The following RFTN1 variants were observed in gnomAD, a reference collection of about 807,000 sequenced individuals.
RFTN1 encodes raftlin.
A neutral mutation model predicts 46.5 loss-of-function variants in RFTN1; 26 were observed. That is an observed-to-expected ratio of 0.56 (90% CI 0.41 to 0.78). RFTN1 has a LOEUF of 0.78. RFTN1 is among the 30% of genes least tolerant of loss of function. RFTN1 has a pLI of 0.00. For missense variants in RFTN1, 693 were observed against 718.7 expected, an observed-to-expected ratio of 0.96 and a Z score of 0.41; for synonymous variants, 261 against 284.2, an observed-to-expected ratio of 0.92 and a Z score of 0.82.
At position 16,425,684 on chromosome 3, in the gene RFTN1, C is replaced by T. The variant is rs1162936570; in HGVS notation, c.332+8167G>A. 1.3e-5 allele frequency among the ~76,000 whole-genome samples: 2 copies of T among 152,014 alleles called. No individual in the cohort carries two copies. The highest frequency in any genetic ancestry group is 2.9e-5 in the Non-Finnish European group (2 of 68,018). ...GTGGATTGGAAAAAATTCTTTCCCC[C>T]AAGAGAAGGTGGCTTTACGCTGGCA... On this transcript the variant is annotated intron_variant, in intron 3 of 9. Transcript: ENST00000334133. The surrounding 1 kb of genome is among the most constrained non-coding windows in gnomAD (Gnocchi z 4.3).
chr3:16,409,967 A>G (rs534590966), intron 3 of RFTN1, among the ~76,000 whole-genome samples: 22 of 150,972 alleles, frequency 1.5e-4, no homozygotes, highest in African/African-American at 4.6e-4. Context: ...GATTACAGAC[A>G]TGAGCCACTG....
At chr3:16,501,571 G>A (rs1226710169) in intron 1 of RFTN1, among the ~76,000 whole-genome samples, 1 of 152,216 alleles carries the variant, frequency 6.6e-6, no homozygotes, top group Admixed American at 6.5e-5. Context: ...AACAGCTCGT[G>A]ACAAGCAACC....
chr3:16,357,133 AAAACAAACAAAC>A (rs57233150), intron 7 of RFTN1, among the ~76,000 whole-genome samples: 1 of 139,480 alleles, frequency 7.2e-6, no homozygotes, highest in Non-Finnish European at 1.5e-5. Context: ...AAAAAACAAA[AAAACAAACAAAC>A]AAACAAACAA....
At chr3:16,364,398 TC>T (rs140966969) in intron 6 of RFTN1, among the ~76,000 whole-genome samples, 198 of 152,344 alleles carry the variant, frequency 1.3e-3, no homozygotes, top group African/African-American at 4.4e-3. Context: ...GTGATTTGTT[TC>T]ATCCTAAAAC....
rs1215077461 is a variant in RFTN1 at position 16,382,789 on chromosome 3, G to C, written c.442-4687C>G. ...ATTACTTCCTCCTTCTCCATAAAGT[G>C]ACCATCCAAGCTCACTTTATTTCAA... On this transcript the variant is annotated intron_variant, in intron 4 of 9. Coordinates refer to ENST00000334133, the MANE Select transcript of RFTN1 (RefSeq NM_015150.2). This position sits in a 1 kb window ranked among gnomAD's most constrained non-coding sequence, Gnocchi z 4.7. Among the ~76,000 whole-genome samples, 1 of 152,066 alleles carries C rather than the reference G, an allele frequency of 6.6e-6. No individual in the cohort carries two copies. The highest frequency in any genetic ancestry group is 2.4e-5 in the African/African-American group (1 of 41,384).
At chr3:16,331,899 G>A (rs2070353272) in intron 7 of RFTN1, among the ~76,000 whole-genome samples, 1 of 152,188 alleles carries the variant, frequency 6.6e-6, no homozygotes, top group South Asian at 2.1e-4. Context: ...ACAGACGTCT[G>A]GGCTGAAATT....
chr3:16,357,836 C>G (rs2072551102), intron 7 of RFTN1, 96 bp downstream of exon 7: 1 of 768,940 alleles, frequency 1.3e-6, no homozygotes, highest in Non-Finnish European at 2.2e-6. Context: ...CAGAAGAAAG[C>G]CACAGCTGAG....
intron 2 of RFTN1, among the ~76,000 whole-genome samples, chr3:16,470,397 C>T (rs2076174222): frequency 6.6e-6 from 1 of 152,184 alleles, no homozygotes; most frequent in Non-Finnish European, 1.5e-5. Flanking sequence ...TGGCTTTTAG[C>T]CCAAGGGCAG....
rs746756215 is a variant in RFTN1, at chr3:16,481,821, A to G, written c.145+11904T>C. ...AGGAGCGATTTTCTAGGAAAGAAAAATGTTTCCCTACCCTACCGCATATAC... is the reference window on the plus strand; with the variant it reads ...AGGAGCGATTTTCTAGGAAAGAAAAGTGTTTCCCTACCCTACCGCATATAC... On this transcript the variant is annotated intron_variant, in intron 2 of 9. Transcript: ENST00000334133. The surrounding 1 kb of genome is among the most constrained non-coding windows in gnomAD (Gnocchi z 5.1). Among the ~76,000 whole-genome samples, 13 of 152,090 alleles carry G rather than the reference A, an allele frequency of 8.5e-5. No homozygotes were observed. The highest frequency in any genetic ancestry group is 1.6e-4 in the Non-Finnish European group (11 of 68,010).
chr3:16,357,690 C>T (rs996000952), intron 7 of RFTN1, among the ~76,000 whole-genome samples: 4 of 152,126 alleles, frequency 2.6e-5, no homozygotes, highest in African/African-American at 9.7e-5. Flanking sequence ...CTCCTTCCAC[C>T]AAATGGCCAG....
Position 16,512,425 on chromosome 3 carries a change from TAAA to T in RFTN1, c.-9+1014_-9+1016del, listed in dbSNP as rs149554467. ...CAGAGATTGAGCCAGACTTTTTTTT[TAAA>T]AAAGTACTTCTTGTTTGTTTGTTTT... On this transcript the variant is annotated intron_variant, in intron 1 of 9. Coordinates refer to ENST00000334133, the MANE Select transcript of RFTN1 (RefSeq NM_015150.2). This position sits in a 1 kb window ranked among gnomAD's most constrained non-coding sequence, Gnocchi z 4.3. Among the ~76,000 whole-genome samples the T allele has an allele frequency of 0.55, 82,790 of 150,372 alleles. 24,121 individuals carry two copies. The highest frequency in any genetic ancestry group is 0.74 in the African/African-American group (30,067 of 40,666).
chr3:16,323,555 AC>A, intron 8 of RFTN1, 98 bp from the exon 9 acceptor site: 1 of 815,600 alleles, frequency 1.2e-6, no homozygotes, highest in Non-Finnish European at 2.0e-6. Context: ...AAAGCAGACC[AC>A]CCACAGGATT....
At chr3:16,340,779 T>A (rs976252572) in intron 7 of RFTN1, among the ~76,000 whole-genome samples, 1 of 152,162 alleles carries the variant, frequency 6.6e-6, no homozygotes. Context: ...ACATCAAGAA[T>A]TTTCAAGGTG....
chr3:16,333,113 C>T (rs1205389128), intron 7 of RFTN1, among the ~76,000 whole-genome samples: 1 of 152,194 alleles, frequency 6.6e-6, no homozygotes, highest in Non-Finnish European at 1.5e-5. Flanking sequence ...CTTTGTAAAG[C>T]ACATCATAGC....
chr3:16,446,993 T>C lies in RFTN1; in HGVS notation c.146-12956A>G, dbSNP rs1559352255. 6.6e-6 allele frequency among the ~76,000 whole-genome samples: 1 copy of C among 152,240 alleles called. No homozygotes were observed. The highest frequency in any genetic ancestry group is 2.4e-5 in the African/African-American group (1 of 41,464). The stretch of plus-strand genomic sequence containing the variant: ...TGTAAGACTAGTTTCAAGAGGCTTA[T>C]GACAGAATAAATTCCACACTCTGGG... On this transcript the variant is annotated intron_variant, in intron 2 of 9. Transcript: ENST00000334133. The surrounding 1 kb of genome is among the most constrained non-coding windows in gnomAD (Gnocchi z 4.5).
chr3:16,333,358 CAT>C (rs572874125), intron 7 of RFTN1, among the ~76,000 whole-genome samples: 48 of 152,298 alleles, frequency 3.2e-4, no homozygotes, highest in African/African-American at 1.0e-3. Context: ...CTGTTCTGCA[CAT>C]GTTTGCAAAT....
intron 1 of RFTN1, among the ~76,000 whole-genome samples, chr3:16,503,373 G>A (rs1196875019): frequency 1.3e-5 from 2 of 152,174 alleles, no homozygotes; most frequent in Non-Finnish European, 2.9e-5. Context: ...GAGAAACCCT[G>A]AGCTGTGGCA....
At chr3:16,412,656 T>C (rs1559334060) in intron 3 of RFTN1, among the ~76,000 whole-genome samples, 1 of 152,138 alleles carries the variant, frequency 6.6e-6, no homozygotes, top group Non-Finnish European at 1.5e-5. Flanking sequence ...GCCCTTTCAG[T>C]GGGGGCAGGG....
rs1184586795 is a variant in RFTN1, at chr3:16,317,509, C to T, written c.1333-277G>A. Reference sequence around the variant, plus strand: ...GTATTTCTTTTGACTGGCTCTATACCAAAGGCCCACATAGGAAAGGGCTCC... The same window carrying T: ...GTATTTCTTTTGACTGGCTCTATACTAAAGGCCCACATAGGAAAGGGCTCC... On this transcript the variant is annotated intron_variant, in intron 9 of 9. Coordinates refer to ENST00000334133, the MANE Select transcript of RFTN1 (RefSeq NM_015150.2). This position sits in a 1 kb window ranked among gnomAD's most constrained non-coding sequence, Gnocchi z 4.3. Among the ~76,000 whole-genome samples the T allele has an allele frequency of 3.3e-5, 5 of 152,120 alleles. No individual in the cohort carries two copies. Among genetic ancestry groups the T allele is most frequent in the African/African-American group, 1.2e-4 (5 of 41,412 alleles).
Sources: gnomAD v4.1 joint callset for allele counts (sites outside exome capture counted in the v4.1 genomes callset) on GRCh38, gnomAD v4.1.1 for gene constraint, Gnocchi (gnomAD v3.1) non-coding constraint, MANE v1.5 for transcripts, NCBI Gene and HGNC (gene_info 2026-07-23, HGNC 2026-07-21) for gene names.